SLC26A8: variants seen among roughly 807,000 people sequenced by gnomAD.
The protein encoded by SLC26A8 is testis anion transporter 1.
SLC26A8 carries 70 observed loss-of-function variants against 105.0 expected under a neutral mutation model. The observed-to-expected ratio is 0.67, with a 90% CI of 0.55 to 0.81. SLC26A8 has a LOEUF of 0.81. Ranked by LOEUF, SLC26A8 falls within the 40% of genes least tolerant of loss-of-function variation. SLC26A8 has a pLI of 0.00. For missense variants in SLC26A8, 998 were observed against 1,181.8 expected (o/e 0.84, Z 2.28); for synonymous variants, 415 against 438.3 (o/e 0.95, Z 0.66).
At chr6:36,002,077 A>AT (rs1761539755) in intron 3 of SLC26A8, among the ~76,000 whole-genome samples, 1 of 152,068 alleles carries the variant, frequency 6.6e-6, no homozygotes, top group Non-Finnish European at 1.5e-5. Context: ...AATCTATAGG[A>AT]TTTTTTCACC....
rs184824016 is a variant in SLC26A8, at chr6:36,019,647, A to G, written c.61T>C (p.Phe21Leu). The change falls in exon 2 of 20, where the codon TTC becomes CTC. Residue 21 changes from phenylalanine (F) to leucine (L), a missense_variant. Physicochemically the swap from Phe to Leu is conservative, Grantham distance 22. Coordinates refer to ENST00000490799, the MANE Select transcript of SLC26A8 (RefSeq NM_052961.4). ...ACTTCACGCTTAACATCATATGCGA[A>G]TGAGTTTCGCCTGGACTTAGAGCTG... is the stretch of plus-strand genomic sequence containing the variant. The part of the protein sequence containing the change: ...GFSSKSRRNS[F>L]AYDVKREVYN... 1.9e-6 allele frequency: 3 copies of G among 1,614,178 alleles called. No individual in the cohort carries two copies. The highest frequency in any genetic ancestry group is 2.5e-6 in the Non-Finnish European group (3 of 1,180,028).
chr6:35,948,071 A>G (rs1304893014), intron 19 of SLC26A8, among the ~76,000 whole-genome samples: 1 of 152,234 alleles, frequency 6.6e-6, no homozygotes, highest in Non-Finnish European at 1.5e-5. Context: ...AAGAATGAAT[A>G]CTATAAAGAT....
chr6:36,014,707 C>T (rs1478667293), intron 2 of SLC26A8, among the ~76,000 whole-genome samples: 2 of 152,050 alleles, frequency 1.3e-5, no homozygotes, highest in African/African-American at 4.8e-5. Context: ...TGGCGAAACC[C>T]CGTCTCTACT....
At chr6:35,947,346 A>G (rs1771712085) in intron 19 of SLC26A8, among the ~76,000 whole-genome samples, 1 of 152,120 alleles carries the variant, frequency 6.6e-6, no homozygotes, top group African/African-American at 2.4e-5. Context: ...TAGTCTTAAT[A>G]GAGACACACA....
intron 2 of SLC26A8, among the ~76,000 whole-genome samples, chr6:36,015,207 G>C (rs187700564): frequency 6.6e-6 from 1 of 151,232 alleles, no homozygotes; most frequent in Non-Finnish European, 1.5e-5. Flanking sequence ...TTCCGGTCCT[G>C]GTTCAAGCAA....
At chr6:35,980,228 T>C (rs1773217124) in intron 8 of SLC26A8, among the ~76,000 whole-genome samples, 1 of 152,176 alleles carries the variant, frequency 6.6e-6, no homozygotes, top group African/African-American at 2.4e-5. Flanking sequence ...CTGCCTCAGC[T>C]TCCCAAACTG....
intron 11 of SLC26A8, among the ~76,000 whole-genome samples, chr6:35,968,587 G>GTATGTGTGTGAAATATACA (rs1772615630): frequency 1.1e-5 from 1 of 89,304 alleles, no homozygotes; most frequent in Non-Finnish European, 2.2e-5. Flanking sequence ...ACATATGTGT[G>GTATGTGTGTGAAATATACA]TATGTGTGTG....
At chr6:35,989,289 T>C (rs1231649446) in intron 7 of SLC26A8, among the ~76,000 whole-genome samples, 1 of 152,246 alleles carries the variant, frequency 6.6e-6, no homozygotes, top group Non-Finnish European at 1.5e-5. Flanking sequence ...ACTAATCTTT[T>C]TGTCATGACA....
At chr6:35,997,138 T>C (rs984711606) in intron 5 of SLC26A8, among the ~76,000 whole-genome samples, 24 of 151,858 alleles carry the variant, frequency 1.6e-4, no homozygotes, top group African/African-American at 5.1e-4. Flanking sequence ...CCAGTACTGG[T>C]ACTGGTTTGT....
At position 35,959,641 on chromosome 6, in the gene SLC26A8, G is replaced by A. The variant is rs141784966; in HGVS notation, c.1732-50C>T. On this transcript the variant is annotated intron_variant, in intron 15 of 19. Transcript: ENST00000490799. ...CAGAGGAAGAATGGTGGAACAGAAGGTGAAAGAGTGGGAGAGAGATGCCAG... is the reference window on the plus strand; with the variant it reads ...CAGAGGAAGAATGGTGGAACAGAAGATGAAAGAGTGGGAGAGAGATGCCAG... 5.0e-6 allele frequency: 8 copies of A among 1,608,998 alleles called. 1 individual carries two copies. Among genetic ancestry groups the A allele is most frequent in the Non-Finnish European group, 6.8e-6 (8 of 1,178,108 alleles).
intron 1 of SLC26A8, chr6:36,024,271 C>T (rs1762203470): frequency 6.1e-6 from 2 of 329,354 alleles, no homozygotes; most frequent in South Asian, 4.2e-5. Flanking sequence ...TTGCAAAACG[C>T]ACACACTGTT....
chr6:36,011,168 G>A (rs1024978571), intron 3 of SLC26A8, among the ~76,000 whole-genome samples: 4 of 152,178 alleles, frequency 2.6e-5, no homozygotes, highest in African/African-American at 4.8e-5. Context: ...TATTTTTTGA[G>A]GATGAATTTG....
chr6:36,018,477 A>G (rs1762049321), intron 2 of SLC26A8, among the ~76,000 whole-genome samples: 2 of 152,332 alleles, frequency 1.3e-5, no homozygotes, highest in South Asian at 2.1e-4. Flanking sequence ...TCATAGAGAC[A>G]GAAAGCAGAA....
At chr6:35,967,831 C>CAATAAT (rs1772579806) in intron 11 of SLC26A8, among the ~76,000 whole-genome samples, 1 of 152,072 alleles carries the variant, frequency 6.6e-6, no homozygotes, top group Non-Finnish European at 1.5e-5. Flanking sequence ...AAAGAAGATT[C>CAATAAT]AATAATAATA....
intron 5 of SLC26A8, among the ~76,000 whole-genome samples, chr6:35,996,009 T>A (rs1761341688): frequency 6.6e-6 from 1 of 152,218 alleles, no homozygotes; most frequent in East Asian, 1.9e-4. Flanking sequence ...CTGTGCCCAC[T>A]AATTATAACT....
chr6:36,006,464 T>G (rs1761689585), intron 3 of SLC26A8, among the ~76,000 whole-genome samples: 1 of 152,218 alleles, frequency 6.6e-6, no homozygotes, highest in Admixed American at 6.5e-5. Context: ...GTACCTACTA[T>G]GTGCTAGGTG....
In SLC26A8 at chr6:35,968,956, T is replaced by C. The variant is rs1772672643; in HGVS notation, c.1288-2A>G. On this transcript the variant is annotated splice_acceptor_variant, in intron 10 of 19. Transcript: ENST00000490799. LOFTEE classifies it high-confidence loss of function. ...ACCTGCGCCTACCAGAGATGCAAAC[T>C]GAGGAGACAGAGCCAGTTGGAGAGA... 6.2e-7 allele frequency: 1 copy of C among 1,610,938 alleles called. No individual in the cohort carries two copies. The highest frequency in any genetic ancestry group is 1.1e-5 in the South Asian group (1 of 90,672).
intron 1 of SLC26A8, among the ~76,000 whole-genome samples, chr6:36,022,883 C>T (rs563128378): frequency 8.7e-4 from 132 of 150,918 alleles, no homozygotes; most frequent in Non-Finnish European, 1.8e-3. Context: ...TGAGTAGGCC[C>T]CACTTAGCAA....
intron 9 of SLC26A8, among the ~76,000 whole-genome samples, chr6:35,976,614 C>G (rs951994336): frequency 2.0e-5 from 3 of 147,116 alleles, no homozygotes; most frequent in South Asian, 2.2e-4. Context: ...GGTCTCGGCT[C>G]GCTGCAAGTT....
Sources: allele counts gnomAD v4.1 joint callset (sites outside exome capture counted in the v4.1 genomes callset), GRCh38; gene constraint gnomAD v4.1.1; transcripts MANE v1.5; gene names NCBI Gene and HGNC (gene_info 2026-07-23, HGNC 2026-07-21).